The following PIP5K1B variants were observed in gnomAD, a reference collection of about 807,000 sequenced individuals.
PIP5K1B encodes the protein phosphatidylinositol 4-phosphate 5-kinase type-1 beta.
A neutral mutation model predicts 67.0 loss-of-function variants in PIP5K1B; 42 were observed. That is an observed-to-expected ratio of 0.63 (90% confidence interval 0.49 to 0.81). The LOEUF is 0.81. Among genes scored for constraint, PIP5K1B ranks in the 30% least tolerant of loss-of-function variants. The probability of loss-of-function intolerance (pLI) is 0.00; values close to 1 mark genes in which losing one functional copy is unlikely to be tolerated. For missense variants in PIP5K1B, 459 were observed against 646.3 expected (o/e 0.71, Z 3.14); for synonymous variants, 214 against 231.4 (o/e 0.92, Z 0.68).
chr9:68,731,635 A>C (rs1483053925), intron 1 of PIP5K1B, among the ~76,000 whole-genome samples: 1 of 152,184 alleles, frequency 6.6e-6, no homozygotes, highest in South Asian at 2.1e-4. Flanking sequence ...AGGCAAACAC[A>C]CTCAATTAGG....
At chr9:68,748,613 CTTTTTTTT>C (rs58954806) in intron 2 of PIP5K1B, among the ~76,000 whole-genome samples, 26 of 98,276 alleles carry the variant, frequency 2.6e-4, no homozygotes, top group African/African-American at 3.4e-4. Context: ...GATTTCTTTT[CTTTTTTTT>C]TTTTTTTTTT....
intron 14 of PIP5K1B, among the ~76,000 whole-genome samples, chr9:68,984,871 T>G (rs1277059722): frequency 6.6e-6 from 1 of 152,230 alleles, no homozygotes; most frequent in Non-Finnish European, 1.5e-5. Context: ...GACAAATTTC[T>G]AAAATGTTAG....
At chr9:68,751,135 G>C (rs1829609214) in intron 2 of PIP5K1B, among the ~76,000 whole-genome samples, 1 of 152,164 alleles carries the variant, frequency 6.6e-6, no homozygotes, top group Non-Finnish European at 1.5e-5. Context: ...GATGACTTTG[G>C]GCAAGTCGTG....
At chr9:68,988,400 T>C (rs35908758) in intron 14 of PIP5K1B, among the ~76,000 whole-genome samples, 61,787 of 148,146 alleles carry the variant, frequency 0.42, 13,381 homozygotes, top group African/African-American at 0.54. Flanking sequence ...ATAAAAATCA[T>C]AAATAAAAAC....
chr9:68,789,340 G>T, intron 2 of PIP5K1B: 1 of 383,282 alleles, frequency 2.6e-6, no homozygotes, highest in Non-Finnish European at 5.0e-6. Context: ...TTCTGATGCC[G>T]CATAAATCAC....
At chr9:68,805,463 A>G (rs952679018) in intron 2 of PIP5K1B, among the ~76,000 whole-genome samples, 1 of 152,194 alleles carries the variant, frequency 6.6e-6, no homozygotes, top group Non-Finnish European at 1.5e-5. Context: ...TGTGCCAGGA[A>G]CATTGGAGTG....
chr9:68,730,668 A>G (rs1828379920), intron 1 of PIP5K1B, among the ~76,000 whole-genome samples: 1 of 152,212 alleles, frequency 6.6e-6, no homozygotes, highest in African/African-American at 2.4e-5. Context: ...AGCCAACAGA[A>G]GTCACTGTAG....
intron 1 of PIP5K1B, among the ~76,000 whole-genome samples, chr9:68,710,143 G>C (rs1219488209): frequency 6.6e-6 from 1 of 152,084 alleles, no homozygotes; most frequent in African/African-American, 2.4e-5. Flanking sequence ...AGTAGATTCT[G>C]TAAAACATCA....
intron 14 of PIP5K1B, among the ~76,000 whole-genome samples, chr9:68,966,891 A>T (rs12344543): frequency 0.018 from 2,795 of 152,314 alleles, 66 homozygotes; most frequent in African/African-American, 0.059. Context: ...AATGATGGGA[A>T]ACTCAGTATA....
At chr9:68,740,939 G>C (rs1423908899) in intron 1 of PIP5K1B, among the ~76,000 whole-genome samples, 1 of 152,212 alleles carries the variant, frequency 6.6e-6, no homozygotes, top group African/African-American at 2.4e-5. Context: ...AAACCTGAGA[G>C]GGACTGGGGG....
intron 4 of PIP5K1B, among the ~76,000 whole-genome samples, chr9:68,837,077 A>C (rs976855369): frequency 6.6e-6 from 1 of 152,238 alleles, no homozygotes; most frequent in African/African-American, 2.4e-5. Flanking sequence ...GAAAGCGTTC[A>C]GCACCCAGAT....
At chr9:68,938,518 C>T (rs1827388442) in intron 13 of PIP5K1B, among the ~76,000 whole-genome samples, 2 of 152,078 alleles carry the variant, frequency 1.3e-5, no homozygotes, top group South Asian at 4.1e-4. Flanking sequence ...CTCCTGAATA[C>T]AGCACATTGA....
At chr9:68,841,767 C>A (rs2132157032) in intron 4 of PIP5K1B, among the ~76,000 whole-genome samples, 1 of 152,188 alleles carries the variant, frequency 6.6e-6, no homozygotes, top group East Asian at 1.9e-4. Context: ...AGAATAGTGA[C>A]CATCATTTGA....
At chr9:68,737,073 G>T (rs1046527670) in intron 1 of PIP5K1B, among the ~76,000 whole-genome samples, 8 of 152,034 alleles carry the variant, frequency 5.3e-5, no homozygotes, top group Non-Finnish European at 8.8e-5. Flanking sequence ...TCCAAGTTTA[G>T]GTTTCCTGGA....
chr9:68,713,643 C>G (rs569112861), intron 1 of PIP5K1B, among the ~76,000 whole-genome samples: 1 of 152,274 alleles, frequency 6.6e-6, no homozygotes, highest in South Asian at 2.1e-4. Flanking sequence ...CCAGTCTTGG[C>G]TTTTCTCAGA....
Position 68,705,482 on chromosome 9 carries a change from C to G in PIP5K1B, c.-523C>G, listed in dbSNP as rs1266330974. 1 of 151,304 alleles carries G rather than the reference C, an allele frequency of 6.6e-6. No homozygotes were observed. Among genetic ancestry groups the G allele is most frequent in the African/African-American group, 2.4e-5 (1 of 41,326 alleles). 9.4% of individuals were successfully genotyped at this position (151,304 alleles called of 1,614,324 possible). A position where few individuals can be genotyped will look rare whatever the true frequency, so the allele number is the denominator to read the frequency against. On this transcript the variant is annotated 5_prime_UTR_variant, in exon 1 of 16. Coordinates refer to ENST00000265382, the MANE Select transcript of PIP5K1B (RefSeq NM_003558.4). Reference sequence around the variant, plus strand: ...GCGGGGACACACACACTCGCCGCGGCGCGCGCGCACTGCACACTCGTAGCC... The same window carrying G: ...GCGGGGACACACACACTCGCCGCGGGGCGCGCGCACTGCACACTCGTAGCC...
intron 1 of PIP5K1B, among the ~76,000 whole-genome samples, chr9:68,712,393 G>A (rs1827436371): frequency 6.6e-6 from 1 of 152,120 alleles, no homozygotes; most frequent in Non-Finnish European, 1.5e-5. Context: ...TTCCTTTATG[G>A]CAATGCAAAA....
At chr9:68,946,348 A>T (rs1827801271) in intron 14 of PIP5K1B, among the ~76,000 whole-genome samples, 1 of 152,140 alleles carries the variant, frequency 6.6e-6, no homozygotes, top group Admixed American at 6.5e-5. Context: ...CGTTGATGCT[A>T]AACATTGAAG....
intron 2 of PIP5K1B, chr9:68,779,935 C>T (rs1055398383): frequency 4.9e-5 from 24 of 485,198 alleles, no homozygotes; most frequent in Admixed American, 7.8e-5. Flanking sequence ...GGACTAGCGG[C>T]CCGACCACTC....
Sources: gnomAD v4.1 joint callset for allele counts (sites outside exome capture counted in the v4.1 genomes callset) on GRCh38, gnomAD v4.1.1 for gene constraint, MANE v1.5 for transcripts, NCBI Gene and HGNC (gene_info 2026-07-23, HGNC 2026-07-21) for gene names.